The following SEM1 variants were observed in gnomAD, a reference collection of about 807,000 sequenced individuals.
SEM1 encodes 26S proteasome complex subunit SEM1.
SEM1 carries 3 observed loss-of-function variants against 12.7 expected under a neutral mutation model. That is an observed-to-expected ratio of 0.24 (90% CI 0.11 to 0.61). The LOEUF (loss-of-function observed/expected upper bound fraction) is 0.61. Ranked by LOEUF, SEM1 falls within the 20% of genes least tolerant of loss-of-function variation. SEM1 has a pLI of 0.88. For missense variants in SEM1, 59 were observed against 81.3 expected, an observed-to-expected ratio of 0.73 and a Z score of 1.06; for synonymous variants, 30 against 27.8, an observed-to-expected ratio of 1.08 and a Z score of -0.25.
intron 2 of SEM1, among the ~76,000 whole-genome samples, chr7:96,605,051 A>T (rs930251703): frequency 4.6e-5 from 7 of 152,192 alleles, no homozygotes; most frequent in Non-Finnish European, 8.8e-5. Context: ...TGGGGATAAT[A>T]ATTGCACTTT....
intron 2 of SEM1, among the ~76,000 whole-genome samples, chr7:96,644,234 G>A (rs1457804387): frequency 2.0e-5 from 3 of 152,036 alleles, no homozygotes; most frequent in African/African-American, 7.2e-5. Flanking sequence ...ATAATTTTTT[G>A]TTGGAGCAAG....
chr7:96,621,560 T>C (rs1291696692), downstream of SEM1: 1 of 152,204 alleles, frequency 6.6e-6, no homozygotes, highest in Admixed American at 6.5e-5. Context: ...TTCAGGGATT[T>C]TGTAATATCA....
chr7:96,542,217 T>C (rs1487536832), intron 2 of SEM1, among the ~76,000 whole-genome samples: 4 of 151,948 alleles, frequency 2.6e-5, no homozygotes, highest in Non-Finnish European at 5.9e-5. Flanking sequence ...ACAATACTGA[T>C]TCTTCCAGTC....
chr7:96,542,098 T>G (rs1448314942), intron 2 of SEM1, among the ~76,000 whole-genome samples: 4 of 151,588 alleles, frequency 2.6e-5, no homozygotes, highest in Non-Finnish European at 4.4e-5. Flanking sequence ...GGGAGGGGGT[T>G]CCATATGAAT....
intron 2 of SEM1, among the ~76,000 whole-genome samples, chr7:96,532,793 C>T (rs571427031): frequency 4.6e-4 from 70 of 152,170 alleles, no homozygotes; most frequent in Admixed American, 2.0e-3. Context: ...ACAGATACAG[C>T]CTGAAAACCC....
intron 3 of SEM1, among the ~76,000 whole-genome samples, chr7:96,502,469 A>G (rs1803599349): frequency 6.6e-6 from 1 of 152,170 alleles, no homozygotes; most frequent in Non-Finnish European, 1.5e-5. Flanking sequence ...CTTACCAGTT[A>G]TAAGACTTAC....
At chr7:96,704,439 A>G (rs1201918810) in intron 1 of SEM1, among the ~76,000 whole-genome samples, 1 of 152,168 alleles carries the variant, frequency 6.6e-6, no homozygotes, top group African/African-American at 2.4e-5. Context: ...TTAAAGAGGA[A>G]GTTAAGTAAC....
intron 2 of SEM1, among the ~76,000 whole-genome samples, chr7:96,524,731 A>G (rs900778603): frequency 1.4e-4 from 22 of 152,046 alleles, no homozygotes; most frequent in African/African-American, 4.6e-4. Context: ...ATCTTATTTC[A>G]TGCTAGATTT....
chr7:96,556,018 C>A (rs1178272158), intron 2 of SEM1, among the ~76,000 whole-genome samples: 1 of 91,704 alleles, frequency 1.1e-5, no homozygotes, highest in African/African-American at 3.2e-5. Flanking sequence ...GCAACCCCTG[C>A]CTTTTTTTGT....
intron 2 of SEM1, among the ~76,000 whole-genome samples, chr7:96,523,703 T>C (rs1804356857): frequency 6.6e-6 from 1 of 152,096 alleles, no homozygotes; most frequent in Admixed American, 6.6e-5. Flanking sequence ...TTCTACCAGC[T>C]ATCATCCTCA....
chr7:96,701,982 C>T (rs2115985944), intron 1 of SEM1, among the ~76,000 whole-genome samples: 1 of 152,020 alleles, frequency 6.6e-6, no homozygotes. Flanking sequence ...AGAGCCTGGA[C>T]AGAACGAAGT....
chr7:96,574,427 T>A (rs1175824571), intron 2 of SEM1, among the ~76,000 whole-genome samples: 5 of 152,322 alleles, frequency 3.3e-5, no homozygotes, highest in African/African-American at 1.2e-4. Flanking sequence ...GCAGCATGAT[T>A]TATAATCCTT....
intron 2 of SEM1, among the ~76,000 whole-genome samples, chr7:96,659,418 C>A (rs1788909588): frequency 6.6e-6 from 1 of 152,100 alleles, no homozygotes; most frequent in Non-Finnish European, 1.5e-5. Context: ...GCAATATAAA[C>A]ACATTTTTGG....
At chr7:96,614,724 A>G (rs1002530233) in intron 2 of SEM1, among the ~76,000 whole-genome samples, 6 of 152,210 alleles carry the variant, frequency 3.9e-5, no homozygotes, top group East Asian at 1.9e-4. Flanking sequence ...CCTTCTGCAC[A>G]TGCTACCTAG....
chr7:96,651,756 A>G (rs1808996276), intron 2 of SEM1, among the ~76,000 whole-genome samples: 2 of 152,142 alleles, frequency 1.3e-5, no homozygotes, highest in South Asian at 4.1e-4. Flanking sequence ...ATTTTTTAGT[A>G]GAGACGGGGA....
At position 96,591,004 on chromosome 7, in the gene SEM1, A is replaced by G. The variant is rs370634683; in HGVS notation, c.171-84306T>C. ...AAACGAATACCAGGACCAAGATTTA[A>G]AAGGCAGAAGAAACATTACTTGTTT... On this transcript the variant is annotated intron_variant and NMD_transcript_variant, in intron 2 of 3. Transcript: ENST00000466986. Among the ~76,000 whole-genome samples, 10 of 152,230 alleles carry G rather than the reference A, an allele frequency of 6.6e-5. No individual in the cohort carries two copies. In the South Asian group the frequency reaches 2.1e-3, roughly 32 times the overall value.
chr7:96,485,598 A>C (rs1412892337), intron 2 of SEM1, among the ~76,000 whole-genome samples: 3 of 123,388 alleles, frequency 2.4e-5, no homozygotes, highest in Non-Finnish European at 4.7e-5. Flanking sequence ...GCTGGAGTGC[A>C]GTGGTGCGAT....
chr7:96,541,453 T>TG (rs1804951277), intron 2 of SEM1, among the ~76,000 whole-genome samples: 1 of 149,394 alleles, frequency 6.7e-6, no homozygotes, highest in South Asian at 2.1e-4. Flanking sequence ...GTTTTTTTTT[T>TG]TTTTTTGCTG....
At chr7:96,489,535 C>T (rs1414290842) in intron 1 of SEM1, among the ~76,000 whole-genome samples, 1 of 152,170 alleles carries the variant, frequency 6.6e-6, no homozygotes, top group African/African-American at 2.4e-5. Context: ...AAGTTTACAC[C>T]AGGCCAATTA....
Sources: allele counts gnomAD v4.1 joint callset (sites outside exome capture counted in the v4.1 genomes callset), GRCh38; gene constraint gnomAD v4.1.1; transcripts MANE v1.5; gene names NCBI Gene and HGNC (gene_info 2026-07-23, HGNC 2026-07-21).